Variants in SMIM35 observed in about 807,000 individuals in gnomAD.
SMIM35 encodes the protein TMPRSS4 antisense RNA 1 (non-protein coding).
intron 4 of SMIM35, 80 bp downstream of exon 4, chr11:118,013,668 C>T (rs12576726): frequency 1.3e-4 from 51 of 395,140 alleles, no homozygotes; most frequent in Non-Finnish European, 1.3e-4. Context: ...GTCCTTGGTG[C>T]GAGGCTTGGG....
intron 1 of SMIM35, among the ~76,000 whole-genome samples, chr11:118,073,870 T>A (rs1269870184): frequency 6.6e-6 from 1 of 152,248 alleles, no homozygotes; most frequent in Non-Finnish European, 1.5e-5. Flanking sequence ...CTGCAGAACG[T>A]GTCTGAGCTC....
intron 1 of SMIM35, among the ~76,000 whole-genome samples, chr11:118,051,389 C>T (rs1220567767): frequency 3.3e-5 from 5 of 152,192 alleles, no homozygotes; most frequent in African/African-American, 7.2e-5. Flanking sequence ...ATGCCTGATT[C>T]GGCACTATCC....
intron 1 of SMIM35, among the ~76,000 whole-genome samples, chr11:118,068,819 C>G (rs1025226511): frequency 6.6e-6 from 1 of 152,216 alleles, no homozygotes; most frequent in African/African-American, 2.4e-5. Flanking sequence ...GGCCACCCCA[C>G]AGAGGCCCAG....
chr11:118,045,290 G>T (rs1944079594), intron 1 of SMIM35, among the ~76,000 whole-genome samples: 2 of 148,994 alleles, frequency 1.3e-5, no homozygotes, highest in Admixed American at 6.8e-5. Context: ...AGTTGCAGAA[G>T]AATAGATATC....
At chr11:118,017,309 G>A (rs898112497) in intron 1 of SMIM35, among the ~76,000 whole-genome samples, 1 of 152,194 alleles carries the variant, frequency 6.6e-6, no homozygotes, top group African/African-American at 2.4e-5. Flanking sequence ...CAAGAGCTGG[G>A]CTGAGCTCCA....
intron 1 of SMIM35, chr11:118,028,905 C>G: frequency 7.5e-6 from 3 of 401,658 alleles, no homozygotes; most frequent in Non-Finnish European, 1.0e-5. Flanking sequence ...GGAAGGAGGA[C>G]AGGAGGAGGA....
chr11:118,075,853 A>C (rs1175286070), intron 1 of SMIM35, among the ~76,000 whole-genome samples: 1 of 152,260 alleles, frequency 6.6e-6, no homozygotes, highest in African/African-American at 2.4e-5. Context: ...ATGGGGGAAC[A>C]ATGTGGACAA....
intron 1 of SMIM35, among the ~76,000 whole-genome samples, chr11:118,016,231 T>G (rs1283944639): frequency 5.3e-5 from 8 of 152,178 alleles, no homozygotes; most frequent in Non-Finnish European, 1.0e-4. Context: ...GCAAAGCTCA[T>G]GCACCCAGTG....
At chr11:118,019,092 T>A (rs1301598131) in intron 1 of SMIM35, among the ~76,000 whole-genome samples, 3 of 152,338 alleles carry the variant, frequency 2.0e-5, no homozygotes, top group Non-Finnish European at 4.4e-5. Context: ...ATACCATTAC[T>A]TCATATTTTT....
At chr11:118,070,105 T>C (rs1305901085) in intron 1 of SMIM35, among the ~76,000 whole-genome samples, 9 of 152,240 alleles carry the variant, frequency 5.9e-5, no homozygotes, top group Admixed American at 4.6e-4. Flanking sequence ...ATGTTGTTCA[T>C]TATCCGGATA....
At chr11:118,066,399 T>A (rs989508697) in intron 1 of SMIM35, among the ~76,000 whole-genome samples, 2 of 151,950 alleles carry the variant, frequency 1.3e-5, no homozygotes, top group African/African-American at 4.8e-5. Context: ...AGGCTCTCCA[T>A]CCACACAGCT....
At chr11:118,048,678 C>T (rs1944149662) in intron 1 of SMIM35, among the ~76,000 whole-genome samples, 1 of 151,554 alleles carries the variant, frequency 6.6e-6, no homozygotes, top group Non-Finnish European at 1.5e-5. Context: ...AATGATACAG[C>T]TGGCTCAGGA....
At chr11:118,025,648 T>C (rs575650205) in intron 1 of SMIM35, 2 of 446,282 alleles carry the variant, frequency 4.5e-6, no homozygotes, top group South Asian at 3.3e-5. Context: ...TATTTGGTCT[T>C]TGCTTGTCAG....
intron 4 of SMIM35, among the ~76,000 whole-genome samples, chr11:118,012,298 C>T (rs919886762): frequency 6.6e-6 from 1 of 152,230 alleles, no homozygotes; most frequent in Non-Finnish European, 1.5e-5. Flanking sequence ...TCTAAGCTGA[C>T]GTCCTGTGCA....
intron 1 of SMIM35, among the ~76,000 whole-genome samples, chr11:118,028,327 A>C (rs1447433933): frequency 6.6e-6 from 1 of 152,230 alleles, no homozygotes; most frequent in Non-Finnish European, 1.5e-5. Flanking sequence ...ACATGCCCTA[A>C]GGCTCTTTAG....
intron 1 of SMIM35, among the ~76,000 whole-genome samples, chr11:118,023,171 C>A (rs1018594092): frequency 1.3e-5 from 2 of 151,958 alleles, no homozygotes; most frequent in Admixed American, 1.3e-4. Context: ...ATGAACAGAA[C>A]AACCAACAGA....
intron 1 of SMIM35, among the ~76,000 whole-genome samples, chr11:118,037,966 A>G (rs1270992877): frequency 2.0e-5 from 3 of 152,226 alleles, no homozygotes; most frequent in Non-Finnish European, 2.9e-5. Context: ...GTTTCTTTTC[A>G]GAGTTGTGGA....
chr11:118,026,010 G>C (rs1170248393), intron 1 of SMIM35, among the ~76,000 whole-genome samples: 1 of 152,104 alleles, frequency 6.6e-6, no homozygotes, highest in Non-Finnish European at 1.5e-5. Context: ...CTTCTGCATA[G>C]GGTTAGCCAG....
chr11:118,029,285 C>T (rs892990342), intron 1 of SMIM35, among the ~76,000 whole-genome samples: 6 of 152,094 alleles, frequency 3.9e-5, no homozygotes, highest in South Asian at 2.1e-4. Flanking sequence ...AACGAAACGC[C>T]GTCTCTACAA....
Sources: gnomAD v4.1 joint callset for allele counts (sites outside exome capture counted in the v4.1 genomes callset) on GRCh38, gnomAD v4.1.1 for gene constraint, MANE v1.5 for transcripts, NCBI Gene and HGNC (gene_info 2026-07-23, HGNC 2026-07-21) for gene names.